CYRIB: variants seen among roughly 807,000 people sequenced by gnomAD.
The protein encoded by CYRIB is CYFIP related Rac1 interactor B.
In CYRIB, 8 loss-of-function variants were observed where a neutral mutation model predicts 44.2. That is an observed-to-expected ratio of 0.18 (90% CI 0.11 to 0.33). The LOEUF (loss-of-function observed/expected upper bound fraction) is 0.33. Ranked by LOEUF, CYRIB falls within the 10% of genes least tolerant of loss-of-function variation. The pLI is 1.00. For synonymous variants in CYRIB, 131 were observed against 127.2 expected (o/e 1.03, Z -0.20); for missense variants, 185 against 382.8 (o/e 0.48, Z 4.31).
intron 1 of CYRIB, among the ~76,000 whole-genome samples, chr8:129,905,771 A>G (rs768950763): frequency 3.3e-5 from 5 of 152,330 alleles, no homozygotes; most frequent in East Asian, 3.9e-4. Flanking sequence ...GGAAAATTCA[A>G]TTATTTATTC....
At chr8:129,958,972 G>A (rs977112681) in intron 2 of CYRIB, among the ~76,000 whole-genome samples, 1 of 146,444 alleles carries the variant, frequency 6.8e-6, no homozygotes, top group Non-Finnish European at 1.5e-5. Flanking sequence ...GGCTGAGGCA[G>A]AGAATTGCTT....
At chr8:129,847,009 T>C (rs1477637919) in intron 10 of CYRIB, 135 bp from the exon 13 acceptor site, 4 of 552,424 alleles carry the variant, frequency 7.2e-6, no homozygotes, top group Admixed American at 7.9e-5. Context: ...TAATTATTCT[T>C]AGAACAGAAA....
exon 3 of CYRIB, chr8:129,879,429 T>C: frequency 1.2e-6 from 2 of 1,611,788 alleles, no homozygotes; most frequent in Non-Finnish European, 1.7e-6. Context: ...GCTCAAGGTC[T>C]GTGCATGTCA....
Position 130,006,173 on chromosome 8 carries a change from C to T in CYRIB, c.-296+10197G>A, listed in dbSNP as rs1592321514. Among the ~76,000 whole-genome samples, 7 of 151,942 alleles carry T rather than the reference C, an allele frequency of 4.6e-5. 1 individual carries two copies. The South Asian group carries it at 1.5e-3, about 32-fold the overall frequency. On this transcript the variant is annotated intron_variant, in intron 1 of 14. Transcript: ENST00000401979. ...CAAAAATTAGCCGGGCATGGTGGTC[C>T]ACACCTGTGATTCCAGCTACTCAGG... is the stretch of plus-strand genomic sequence containing the variant.
At chr8:129,919,358 A>C (rs886966880) in intron 1 of CYRIB, among the ~76,000 whole-genome samples, 4 of 152,218 alleles carry the variant, frequency 2.6e-5, no homozygotes, top group African/African-American at 9.6e-5. Flanking sequence ...AACGTCCTCA[A>C]AACTCAACAA....
chr8:129,963,732 C>T (rs539236796), intron 2 of CYRIB, among the ~76,000 whole-genome samples: 2 of 152,304 alleles, frequency 1.3e-5, no homozygotes, highest in South Asian at 4.1e-4. Flanking sequence ...TAACAGCTCT[C>T]TCTGAGCCTA....
intron 1 of CYRIB, among the ~76,000 whole-genome samples, chr8:129,913,054 C>T (rs2136420128): frequency 6.7e-6 from 1 of 150,254 alleles, no homozygotes; most frequent in East Asian, 2.0e-4. Context: ...TCACTGCAAG[C>T]TCCGCCTCCT....
intron 1 of CYRIB, among the ~76,000 whole-genome samples, chr8:129,906,948 C>T (rs1263364832): frequency 1.6e-4 from 24 of 152,158 alleles, no homozygotes; most frequent in African/African-American, 5.3e-4. Flanking sequence ...AGTCAGGAAA[C>T]GACAGGTGCT....
chr8:129,910,706 G>C (rs185629768), intron 1 of CYRIB, among the ~76,000 whole-genome samples: 6 of 152,306 alleles, frequency 3.9e-5, no homozygotes, highest in Admixed American at 2.0e-4. Context: ...GCTGAGACAA[G>C]AGGATGGCTT....
chr8:129,992,198 A>G (rs78169834), intron 1 of CYRIB, among the ~76,000 whole-genome samples: 17,862 of 151,576 alleles, frequency 0.12, 1,100 homozygotes, highest in South Asian at 0.25. Flanking sequence ...ATGCATGTCT[A>G]TGGTCCCAGC....
chr8:129,898,625 C>T (rs576157174), intron 2 of CYRIB, among the ~76,000 whole-genome samples: 23 of 152,116 alleles, frequency 1.5e-4, no homozygotes, highest in Non-Finnish European at 2.6e-4. Flanking sequence ...TTTAACTGAA[C>T]TAAAATTAAA....
intron 1 of CYRIB, among the ~76,000 whole-genome samples, chr8:129,911,065 A>G (rs1211929556): frequency 6.6e-6 from 1 of 152,222 alleles, no homozygotes; most frequent in Non-Finnish European, 1.5e-5. Context: ...TTTTAAGGAA[A>G]TAACTATCAA....
chr8:129,866,867 C>G (rs1455542741), intron 4 of CYRIB, among the ~76,000 whole-genome samples: 2 of 152,214 alleles, frequency 1.3e-5, no homozygotes, highest in African/African-American at 4.8e-5. Context: ...AATTCCTTGT[C>G]CTCTCACAAT....
chr8:129,865,332 A>G (rs1333728693), intron 4 of CYRIB, among the ~76,000 whole-genome samples: 1 of 152,212 alleles, frequency 6.6e-6, no homozygotes, highest in Non-Finnish European at 1.5e-5. Flanking sequence ...TTAATCTTAC[A>G]GCTTTATTGG....
intron 1 of CYRIB, among the ~76,000 whole-genome samples, chr8:129,978,281 A>T (rs2096051893): frequency 6.6e-6 from 1 of 152,236 alleles, no homozygotes; most frequent in Non-Finnish European, 1.5e-5. Flanking sequence ...CTGAATAATA[A>T]AACTTCTCTT....
chr8:129,850,005 A>G (rs1380679121), intron 9 of CYRIB: 1 of 152,290 alleles, frequency 6.6e-6, no homozygotes, highest in Admixed American at 6.5e-5. Context: ...GCAGTATATC[A>G]TAGCGGAAAG....
At chr8:130,004,731 C>A (rs2134036382) in intron 1 of CYRIB, 1 of 151,438 alleles carries the variant, frequency 6.6e-6, no homozygotes. Context: ...GAAAACCAAC[C>A]TTCAGGAACA....
intron 11 of CYRIB, among the ~76,000 whole-genome samples, chr8:129,842,710 G>A (rs1340198271): frequency 2.6e-5 from 4 of 152,214 alleles, no homozygotes; most frequent in Non-Finnish European, 5.9e-5. Context: ...AAGTTTTACT[G>A]AAACACACCA....
intron 1 of CYRIB, among the ~76,000 whole-genome samples, chr8:129,924,752 T>A (rs867436159): frequency 6.6e-6 from 1 of 151,724 alleles, no homozygotes; most frequent in African/African-American, 2.4e-5. Context: ...GATCACTTAA[T>A]CCCAGGAGCT....
Sources: allele counts gnomAD v4.1 joint callset (sites outside exome capture counted in the v4.1 genomes callset), GRCh38; gene constraint gnomAD v4.1.1; transcripts MANE v1.5; gene names NCBI Gene and HGNC (gene_info 2026-07-23, HGNC 2026-07-21).